STRN: variants seen among roughly 807,000 people sequenced by gnomAD.
STRN encodes striatin, also known as protein phosphatase 2 regulatory subunit B'''alpha.
Under a neutral mutation model 96.3 loss-of-function variants are expected in STRN, and 53 were observed. The ratio of observed to expected loss-of-function variants is 0.55; its 90% CI spans 0.44 to 0.69. The LOEUF (loss-of-function observed/expected upper bound fraction) is 0.69, where lower values mean the gene tolerates loss of function less well. Among genes scored for constraint, STRN ranks in the 30% least tolerant of loss-of-function variants. The pLI is 0.00. For synonymous variants in STRN, 428 were observed against 355.9 expected, an observed-to-expected ratio of 1.20 and a Z score of -2.28; for missense variants, 987 against 963.9, an observed-to-expected ratio of 1.02 and a Z score of -0.32.
At chr2:36,887,785 G>C (rs1048258879) in intron 7 of STRN, among the ~76,000 whole-genome samples, 2 of 152,058 alleles carry the variant, frequency 1.3e-5, no homozygotes, top group Non-Finnish European at 2.9e-5. Flanking sequence ...TAGTAGTAAA[G>C]AAAATCAATA....
At chr2:36,945,527 T>C (rs1304595981) in intron 1 of STRN, among the ~76,000 whole-genome samples, 1 of 151,896 alleles carries the variant, frequency 6.6e-6, no homozygotes, top group African/African-American at 2.4e-5. Flanking sequence ...ATTAGCTGGG[T>C]GTGGTGGCAT....
intron 15 of STRN, among the ~76,000 whole-genome samples, chr2:36,853,272 C>T (rs1255303645): frequency 6.6e-6 from 1 of 152,162 alleles, no homozygotes. Flanking sequence ...ATTCAGACTA[C>T]GCATTATTTC....
intron 12 of STRN, among the ~76,000 whole-genome samples, chr2:36,867,004 G>A (rs1668645593): frequency 6.6e-6 from 1 of 152,074 alleles, no homozygotes; most frequent in Non-Finnish European, 1.5e-5. Flanking sequence ...CCTTTTAATT[G>A]GGGCATTTAG....
intron 12 of STRN, among the ~76,000 whole-genome samples, chr2:36,865,793 C>T (rs1051233310): frequency 6.6e-6 from 1 of 152,012 alleles, no homozygotes; most frequent in Admixed American, 6.6e-5. Context: ...AACTCCTGAC[C>T]TTGTGATCCG....
Position 36,839,233 on chromosome 2 carries a change from G to A in STRN, c.*10223C>T, listed in dbSNP as rs1195059845. On this transcript the variant is annotated 3_prime_UTR_variant, in exon 18 of 18. Transcript: ENST00000263918. ...AAACATCAAATCATCCCCCTTCCCT[G>A]CTCTATTTTTTTTCCCTCTGCACTT... Among the ~76,000 whole-genome samples the A allele has an allele frequency of 6.6e-6, 1 of 151,944 alleles. No individual in the cohort carries two copies. Among genetic ancestry groups the A allele is most frequent in the South Asian group, 2.1e-4 (1 of 4,824 alleles).
intron 2 of STRN, among the ~76,000 whole-genome samples, chr2:36,923,172 A>C (rs1253498612): frequency 6.6e-6 from 1 of 150,390 alleles, no homozygotes; most frequent in Non-Finnish European, 1.5e-5. Flanking sequence ...ATACTCGGCC[A>C]GGTACATTCG....
In STRN at chr2:36,850,684, T is replaced by C. The variant is rs1039391413; in HGVS notation, c.2086+316A>G. Reference sequence around the variant, plus strand: ...TTTTCCCCAATATATAATACTACAATAGATCATAGCAACAGATCATTTTTA... The same window carrying C: ...TTTTCCCCAATATATAATACTACAACAGATCATAGCAACAGATCATTTTTA... On this transcript the variant is annotated intron_variant, in intron 16 of 17. Transcript: ENST00000263918. 3.3e-5 allele frequency among the ~76,000 whole-genome samples: 5 copies of C among 152,208 alleles called. 1 individual carries two copies. In the South Asian group the frequency reaches 6.2e-4, roughly 19 times the overall value.
intron 4 of STRN, among the ~76,000 whole-genome samples, chr2:36,904,115 T>G (rs1669757566): frequency 6.6e-6 from 1 of 152,192 alleles, no homozygotes; most frequent in Non-Finnish European, 1.5e-5. Flanking sequence ...AAAAAAAGAT[T>G]AACATTCTAA....
intron 3 of STRN, among the ~76,000 whole-genome samples, chr2:36,914,520 G>A (rs116433252): frequency 6.6e-6 from 1 of 152,170 alleles, no homozygotes; most frequent in Non-Finnish European, 1.5e-5. Flanking sequence ...GTAAAAGACA[G>A]AATATTAAAA....
intron 10 of STRN, among the ~76,000 whole-genome samples, chr2:36,874,189 G>C (rs899663317): frequency 3.3e-5 from 5 of 151,672 alleles, no homozygotes; most frequent in Admixed American, 2.0e-4. Context: ...GCGTGAACTC[G>C]GTAGGCGGAG....
At chr2:36,959,647 T>C (rs1664980265) in intron 1 of STRN, among the ~76,000 whole-genome samples, 1 of 152,124 alleles carries the variant, frequency 6.6e-6, no homozygotes, top group Non-Finnish European at 1.5e-5. Flanking sequence ...TGCCTAAAAA[T>C]AAAATGCTAT....
intron 2 of STRN, among the ~76,000 whole-genome samples, chr2:36,921,117 C>G (rs1317243668): frequency 6.6e-6 from 1 of 151,976 alleles, no homozygotes; most frequent in East Asian, 1.9e-4. Flanking sequence ...CCATCTCTCC[C>G]CACTTCATCC....
Position 36,849,351 on chromosome 2 carries a change from C to A in STRN, c.*105G>T. ...ACAAATGTTCTCTGTGCTCCTTCAG[C>A]AGAACAAAAGGGCAGGACGAGATGA... On this transcript the variant is annotated 3_prime_UTR_variant, in exon 18 of 18. Coordinates refer to ENST00000263918, the MANE Select transcript of STRN (RefSeq NM_003162.4). 2 of 1,317,164 alleles carry A rather than the reference C, an allele frequency of 1.5e-6. No homozygotes were observed. The highest frequency in any genetic ancestry group is 2.1e-6 in the Non-Finnish European group (2 of 954,872). The allele number at this position is 1,317,164 out of a possible 1,614,324, so 81.6% of individuals were successfully genotyped here.
At chr2:36,863,238 A>G (rs1668539254) in intron 12 of STRN, among the ~76,000 whole-genome samples, 1 of 151,702 alleles carries the variant, frequency 6.6e-6, no homozygotes, top group African/African-American at 2.4e-5. Flanking sequence ...TGTCTTCATC[A>G]TGAAATCTTT....
chr2:36,896,030 C>T (rs555598274), intron 6 of STRN, among the ~76,000 whole-genome samples: 4 of 152,232 alleles, frequency 2.6e-5, no homozygotes, highest in Non-Finnish European at 4.4e-5. Flanking sequence ...CTTCTTTTAC[C>T]CTAGAGGCTT....
chr2:36,879,117 C>A (rs973583713), intron 9 of STRN, among the ~76,000 whole-genome samples: 1 of 151,916 alleles, frequency 6.6e-6, no homozygotes, highest in Non-Finnish European at 1.5e-5. Flanking sequence ...ATGGCCCAGG[C>A]TGGAGTGCAC....
At position 36,840,015 on chromosome 2, in the gene STRN, C is replaced by T. The variant is rs896167791; in HGVS notation, c.*9441G>A. 2 of 152,144 alleles carry T rather than the reference C, an allele frequency of 1.3e-5. No individual in the cohort carries two copies. The highest frequency in any genetic ancestry group is 6.6e-5 in the Admixed American group (1 of 15,264). 9.4% of individuals were successfully genotyped at this position (152,144 alleles called of 1,614,324 possible). A position where few individuals can be genotyped will look rare whatever the true frequency, so the allele number is the denominator to read the frequency against. On this transcript the variant is annotated 3_prime_UTR_variant, in exon 18 of 18. Transcript: ENST00000263918. ...TACTATAAAATCTTCAAGACAAAAA[C>T]CAGCCTGAGAGCATCCTGAGGAACT...
rs907072135 is a variant in STRN, at chr2:36,842,264, A to T, written c.*7192T>A. ...GATGGGTTTCCCTACCATTACCCTT[A>T]ATTTGATGCTATTAGAATTTTTAAA... On this transcript the variant is annotated 3_prime_UTR_variant, in exon 18 of 18. Coordinates refer to ENST00000263918, the MANE Select transcript of STRN (RefSeq NM_003162.4). 2 of 152,144 alleles carry T rather than the reference A, an allele frequency of 1.3e-5. No individual in the cohort carries two copies. Among genetic ancestry groups the T allele is most frequent in the Non-Finnish European group, 2.9e-5 (2 of 68,024 alleles). The allele number at this position is 152,144 out of a possible 1,614,324, so 9.4% of individuals were successfully genotyped here. A position where few individuals can be genotyped will look rare whatever the true frequency, so the allele number is the denominator to read the frequency against.
intron 6 of STRN, among the ~76,000 whole-genome samples, chr2:36,894,638 G>T (rs1314397843): frequency 6.6e-6 from 1 of 152,128 alleles, no homozygotes; most frequent in East Asian, 1.9e-4. Context: ...AGGATGCTAG[G>T]TTTGCATTTT....
Sources: gnomAD v4.1 joint callset for allele counts (sites outside exome capture counted in the v4.1 genomes callset) on GRCh38, gnomAD v4.1.1 for gene constraint, MANE v1.5 for transcripts, NCBI Gene and HGNC (gene_info 2026-07-23, HGNC 2026-07-21) for gene names.